PRKAG2: variants seen among roughly 807,000 people sequenced by gnomAD.
PRKAG2 encodes the protein protein kinase AMP-activated non-catalytic subunit gamma 2.
In PRKAG2, 26 loss-of-function variants were observed where a neutral mutation model predicts 69.6. That is an observed-to-expected ratio of 0.37 (90% CI 0.27 to 0.52). The LOEUF is 0.52. Among genes scored for constraint, PRKAG2 ranks in the 20% least tolerant of loss-of-function variants. PRKAG2 has a pLI of 0.90. For synonymous variants in PRKAG2, 293 were observed against 285.0 expected, an observed-to-expected ratio of 1.03 and a Z score of -0.28; for missense variants, 557 against 740.0, an observed-to-expected ratio of 0.75 and a Z score of 2.87.
intron 3 of PRKAG2, among the ~76,000 whole-genome samples, chr7:151,696,021 G>A (rs755912557): frequency 2.6e-5 from 4 of 152,168 alleles, no homozygotes; most frequent in Non-Finnish European, 4.4e-5. Context: ...GCCTGATGCC[G>A]GCATAAGGTT....
chr7:151,692,479 T>C (rs978454175), intron 3 of PRKAG2, among the ~76,000 whole-genome samples: 3 of 152,114 alleles, frequency 2.0e-5, no homozygotes, highest in African/African-American at 7.2e-5. Context: ...ATGCGGAAAT[T>C]TCTTTGGGTG....
chr7:151,714,450 C>T (rs556627724), intron 3 of PRKAG2, among the ~76,000 whole-genome samples: 117 of 137,672 alleles, frequency 8.5e-4, no homozygotes, highest in Non-Finnish European at 1.1e-3. Context: ...CGCGACCCGC[C>T]GTCCTCCCAT....
In PRKAG2 at chr7:151,657,617, A is replaced by T. The variant is rs10279776; in HGVS notation, c.684+17803T>A. Among the ~76,000 whole-genome samples the T allele has an allele frequency of 4.9e-3, 753 of 152,276 alleles. 3 individuals carry two copies. Among genetic ancestry groups the T allele is most frequent in the African/African-American group, 0.017 (718 of 41,556 alleles). ...CTTAACTTGCAAAATAGAGATAATAATATCTTCTTTGCAGGACTGTTGTGA... is the reference window on the plus strand; with the variant it reads ...CTTAACTTGCAAAATAGAGATAATATTATCTTCTTTGCAGGACTGTTGTGA... On this transcript the variant is annotated intron_variant, in intron 4 of 15. Transcript: ENST00000287878.
At chr7:151,856,117 T>C (rs2079769119) in intron 1 of PRKAG2, among the ~76,000 whole-genome samples, 1 of 152,238 alleles carries the variant, frequency 6.6e-6, no homozygotes, top group African/African-American at 2.4e-5. Flanking sequence ...TCAAGTTTGC[T>C]ACATGGCATA....
Position 151,675,407 on chromosome 7 carries a change from G to A in PRKAG2, c.684+13C>T. ...CACCCGGCAGCCCCACCCACAGAAG[G>A]GCCCAGACTTACGGCTTTGGAGGGA... On this transcript the variant is annotated intron_variant, in intron 4 of 15. Coordinates refer to ENST00000287878, the MANE Select transcript of PRKAG2 (RefSeq NM_016203.4). The A allele has an allele frequency of 6.2e-7, 1 of 1,612,010 alleles. No individual in the cohort carries two copies. Among genetic ancestry groups the A allele is most frequent in the Non-Finnish European group, 8.5e-7 (1 of 1,178,196 alleles).
At chr7:151,646,098 G>A (rs371153524) in intron 4 of PRKAG2, among the ~76,000 whole-genome samples, 1 of 152,082 alleles carries the variant, frequency 6.6e-6, no homozygotes, top group African/African-American at 2.4e-5. Context: ...TTTGATTACT[G>A]TAGCTCTATA....
chr7:151,592,621 G>T (rs527449501), intron 6 of PRKAG2, among the ~76,000 whole-genome samples: 1 of 152,264 alleles, frequency 6.6e-6, no homozygotes, highest in East Asian at 1.9e-4. Context: ...TGATGACGTC[G>T]TATCCTCAGA....
chr7:151,733,705 A>AT (rs11330944), intron 3 of PRKAG2, among the ~76,000 whole-genome samples: 8,912 of 142,860 alleles, frequency 0.062, 786 homozygotes, highest in African/African-American at 0.2. Context: ...CACAGTCACC[A>AT]TTTTTTTTTT....
chr7:151,820,397 G>A (rs1305565402), intron 1 of PRKAG2, among the ~76,000 whole-genome samples: 1 of 138,142 alleles, frequency 7.2e-6, no homozygotes, highest in Non-Finnish European at 1.6e-5. Flanking sequence ...CTTGGGGCCC[G>A]GCCCCTGTGG....
intron 3 of PRKAG2, among the ~76,000 whole-genome samples, chr7:151,759,470 G>A (rs2075291602): frequency 6.6e-6 from 1 of 152,202 alleles, no homozygotes; most frequent in South Asian, 2.1e-4. Context: ...GCGTTCCCAA[G>A]GGCCCAGCAC....
In PRKAG2 at chr7:151,657,178, G is replaced by A. The variant is rs2151419104; in HGVS notation, c.684+18242C>T. Among the ~76,000 whole-genome samples the A allele has an allele frequency of 2.0e-5, 3 of 152,052 alleles. 1 individual carries two copies. The Middle Eastern group carries it at 0.01, about 521-fold the overall frequency. Reference sequence around the variant, plus strand: ...GGTGGTTATTCATCAGCTGTTAACTGATTTTAATTAAGATTTTGAAGAATA... The same window carrying A: ...GGTGGTTATTCATCAGCTGTTAACTAATTTTAATTAAGATTTTGAAGAATA... On this transcript the variant is annotated intron_variant, in intron 4 of 15. Transcript: ENST00000287878.
At chr7:151,736,420 A>T in intron 3 of PRKAG2, 1 of 980,754 alleles carries the variant, frequency 1.0e-6, no homozygotes, top group African/African-American at 1.8e-5. Flanking sequence ...AAATTAAAAA[A>T]AGGAGGGAAG....
At position 151,614,421 on chromosome 7, in the gene PRKAG2, G is replaced by A. The variant is rs1292510301; in HGVS notation, c.754+17648C>T. 6.6e-6 allele frequency among the ~76,000 whole-genome samples: 1 copy of A among 152,106 alleles called. No individual in the cohort carries two copies. Among genetic ancestry groups the A allele is most frequent in the Non-Finnish European group, 1.5e-5 (1 of 68,014 alleles). ...GGAGGTGACCAGAAGCCACACAGGG[G>A]CTCACACAGGAGGCTGAAAAAATCA... On this transcript the variant is annotated intron_variant, in intron 5 of 15. Coordinates refer to ENST00000287878, the MANE Select transcript of PRKAG2 (RefSeq NM_016203.4). The surrounding 1 kb of genome is among the most constrained non-coding windows in gnomAD (Gnocchi z 4.4).
At chr7:151,817,088 G>A (rs532134809) in intron 1 of PRKAG2, among the ~76,000 whole-genome samples, 2 of 152,230 alleles carry the variant, frequency 1.3e-5, no homozygotes, top group South Asian at 2.1e-4. Flanking sequence ...CCGCAAGCAC[G>A]GTCACTGTCT....
chr7:151,839,373 C>T (rs1404793534), intron 1 of PRKAG2, among the ~76,000 whole-genome samples: 1 of 152,214 alleles, frequency 6.6e-6, no homozygotes. Flanking sequence ...CAGAAGCGGT[C>T]CGCAGCCCCT....
At position 151,558,918 on chromosome 7, in the gene PRKAG2, G is replaced by A. The variant is rs141064472; in HGVS notation, c.1678+1606C>T. The A allele has an allele frequency of 8.1e-5, 80 of 985,390 alleles. No homozygotes were observed. The East Asian group carries it at 6.0e-3, about 74-fold the overall frequency. 61.0% of individuals were successfully genotyped at this position (985,390 alleles called of 1,614,324 possible). On this transcript the variant is annotated intron_variant, in intron 15 of 15. Transcript: ENST00000287878. Reference sequence around the variant, plus strand: ...TATCAAGAAACAGAGAGGATGAATCGCTTGACTTGTTTACTCTTTTTGTAA... The same window carrying A: ...TATCAAGAAACAGAGAGGATGAATCACTTGACTTGTTTACTCTTTTTGTAA...
At chr7:151,672,401 C>G (rs1214980603) in intron 4 of PRKAG2, among the ~76,000 whole-genome samples, 1 of 152,124 alleles carries the variant, frequency 6.6e-6, no homozygotes, top group African/African-American at 2.4e-5. Context: ...AGCCACCATT[C>G]GAACGATTTT....
chr7:151,839,902 T>TG (rs2079236124), intron 1 of PRKAG2, among the ~76,000 whole-genome samples: 1 of 152,112 alleles, frequency 6.6e-6, no homozygotes, highest in Admixed American at 6.5e-5. Flanking sequence ...CAGAGGAAGC[T>TG]GAGCAGGGTG....
chr7:151,739,260 G>T (rs1398700249), intron 3 of PRKAG2, among the ~76,000 whole-genome samples: 3 of 152,162 alleles, frequency 2.0e-5, no homozygotes, highest in African/African-American at 7.2e-5. Flanking sequence ...CTGCCTAGGG[G>T]ACCTGACCCA....
Sources: allele counts gnomAD v4.1 joint callset (sites outside exome capture counted in the v4.1 genomes callset), GRCh38; gene constraint gnomAD v4.1.1; non-coding constraint Gnocchi (gnomAD v3.1); transcripts MANE v1.5; gene names NCBI Gene and HGNC (gene_info 2026-07-23, HGNC 2026-07-21).